Variants in APTX observed in about 807,000 individuals in gnomAD.
APTX encodes forkhead-associated domain histidine triad-like protein.
APTX carries 33 observed loss-of-function variants against 42.3 expected under a neutral mutation model. The observed-to-expected ratio is 0.78, with a 90% confidence interval of 0.59 to 1.04. The LOEUF (loss-of-function observed/expected upper bound fraction) is 1.04, where lower values mean the gene tolerates loss of function less well. Among genes scored for constraint, APTX ranks in the 50% least tolerant of loss-of-function variants. The probability of loss-of-function intolerance (pLI) is 0.00; values close to 1 mark genes in which losing one functional copy is unlikely to be tolerated. For missense variants in APTX, 421 were observed against 415.1 expected (o/e 1.01, Z -0.12); for synonymous variants, 130 against 146.7 (o/e 0.89, Z 0.82).
chr9:32,987,742 T>G lies in APTX; in HGVS notation c.285A>C (p.Pro95=), dbSNP rs759222352. ...QVLHMVNELY[P]YIVEFEEEAK... ...CCTCTTCCTCAAACTCTACAATATATGGATAAAGTTCATTCACCATGTGGA... is the reference window on the plus strand; with the variant it reads ...CCTCTTCCTCAAACTCTACAATATAGGGATAAAGTTCATTCACCATGTGGA... The change falls in exon 4 of 8, where the codon CCA becomes CCC. Residue 95 remains proline (P), a synonymous_variant. Coordinates refer to ENST00000379817, the MANE Select transcript of APTX (RefSeq NM_001195248.2). 10 of 1,614,230 alleles carry G rather than the reference T, an allele frequency of 6.2e-6. No individual in the cohort carries two copies. The highest frequency in any genetic ancestry group is 8.5e-6 in the Non-Finnish European group (10 of 1,180,040).
rs114281856 is a variant in APTX at position 32,984,584 on chromosome 9, C to T, written c.770+47G>A. Reference sequence around the variant, plus strand: ...GCAAGCCCAGGCTGAATCTATCTGCCCACCTGGACAGAACCAGGAGCCAGC... The same window carrying T: ...GCAAGCCCAGGCTGAATCTATCTGCTCACCTGGACAGAACCAGGAGCCAGC... On this transcript the variant is annotated intron_variant, in intron 6 of 7. Transcript: ENST00000379817. 1,425 of 1,576,254 alleles carry T rather than the reference C, an allele frequency of 9.0e-4. 8 individuals carry two copies. In the African/African-American group the frequency reaches 0.017, roughly 19 times the overall value.
upstream of APTX, among the ~76,000 whole-genome samples, chr9:33,002,386 C>A (rs1384702649): frequency 6.6e-6 from 1 of 152,180 alleles, no homozygotes; most frequent in East Asian, 1.9e-4. Flanking sequence ...TTAGCACAGA[C>A]CCTGGCTAAG....
rs537060575 is a variant in APTX at position 32,996,434 on chromosome 9, C to G, written c.-5+5133G>C. 2.6e-5 allele frequency among the ~76,000 whole-genome samples: 4 copies of G among 152,126 alleles called. No individual in the cohort carries two copies. In the South Asian group the frequency reaches 6.2e-4, roughly 24 times the overall value. On this transcript the variant is annotated intron_variant, in intron 1 of 7. Transcript: ENST00000379817. ...GGGACTACAGACACACACCACCATG[C>G]CTTGCTAATTTATTTTATTTTGAGA...
At chr9:32,999,810 C>T (rs997133237) in intron 1 of APTX, among the ~76,000 whole-genome samples, 1 of 152,094 alleles carries the variant, frequency 6.6e-6, no homozygotes, top group Non-Finnish European at 1.5e-5. Context: ...CCCGTCTCTA[C>T]TAAAAAATAC....
At chr9:32,987,910 ACTG>A in intron 3 of APTX, 64 bp from the exon 4 acceptor site, 1 of 1,576,948 alleles carries the variant, frequency 6.3e-7, no homozygotes, top group Non-Finnish European at 8.7e-7. Flanking sequence ...TAAGATAGCC[ACTG>A]CTATGTTAAC....
chr9:33,013,782 C>G (rs1474510586), intron 1 of APTX, among the ~76,000 whole-genome samples: 3 of 152,130 alleles, frequency 2.0e-5, no homozygotes, highest in Non-Finnish European at 4.4e-5. Context: ...CCAGCCTGGG[C>G]GACGGTGCAA....
chr9:33,009,201 A>G (rs1365633295), intron 1 of APTX, among the ~76,000 whole-genome samples: 4 of 152,198 alleles, frequency 2.6e-5, no homozygotes, highest in Non-Finnish European at 4.4e-5. Context: ...TTTTATTTCA[A>G]TTCAGCAATG....
At chr9:33,015,743 A>C (rs1437466312) in intron 1 of APTX, 2 of 152,114 alleles carry the variant, frequency 1.3e-5, no homozygotes, top group Non-Finnish European at 2.9e-5. Context: ...ATGCAAGAAA[A>C]CTTTTTTTTA....
intron 6 of APTX, among the ~76,000 whole-genome samples, chr9:32,984,361 C>T (rs1033883055): frequency 6.6e-6 from 1 of 152,102 alleles, no homozygotes; most frequent in African/African-American, 2.4e-5. Context: ...AATGAAGCTG[C>T]TTCATCTAGT....
chr9:33,006,257 T>TA (rs938086728), upstream of APTX, among the ~76,000 whole-genome samples: 46 of 152,050 alleles, frequency 3.0e-4, no homozygotes, highest in South Asian at 2.9e-3. Flanking sequence ...CCTCTCTCTA[T>TA]AAAAAAAATT....
At chr9:32,983,444 A>G (rs2183869) in intron 6 of APTX, among the ~76,000 whole-genome samples, 19,337 of 152,164 alleles carry the variant, frequency 0.13, 1,257 homozygotes, top group Non-Finnish European at 0.14. Flanking sequence ...AATGATAGTG[A>G]AAAGATTATA....
At chr9:33,017,546 A>C (rs775532686) in intron 1 of APTX, among the ~76,000 whole-genome samples, 2 of 145,112 alleles carry the variant, frequency 1.4e-5, no homozygotes, top group Non-Finnish European at 3.2e-5. Context: ...AATACCATCA[A>C]CTTGGGGATT....
intron 7 of APTX, 78 bp downstream of exon 7, chr9:32,974,379 AT>A (rs1210841483): frequency 2.1e-6 from 2 of 966,074 alleles, no homozygotes; most frequent in Non-Finnish European, 3.3e-6. Context: ...TCAGACTGTT[AT>A]TCAGGGAAAC....
chr9:32,990,426 G>A (rs1833322060), intron 1 of APTX, among the ~76,000 whole-genome samples: 1 of 152,150 alleles, frequency 6.6e-6, no homozygotes, highest in Admixed American at 6.5e-5. Flanking sequence ...ACCCGCCTCT[G>A]CCTCCCAAAG....
In APTX at chr9:33,019,534, G is replaced by A; in HGVS notation, c.-5+5489C>T. On this transcript the variant is annotated intron_variant, in intron 1 of 6. Transcript: ENST00000436040. ...ATTTTCTGTGGTAACAAACATTTAAGAACCAGAGAAAACAAGGGACCCCTG... is the reference window on the plus strand; with the variant it reads ...ATTTTCTGTGGTAACAAACATTTAAAAACCAGAGAAAACAAGGGACCCCTG... 3 of 317,572 alleles carry A rather than the reference G, an allele frequency of 9.4e-6. No individual in the cohort carries two copies. In the East Asian group the frequency reaches 1.7e-4, roughly 18 times the overall value. 19.7% of individuals were successfully genotyped at this position (317,572 alleles called of 1,614,324 possible). A position where few individuals can be genotyped will look rare whatever the true frequency, so the allele number is the denominator to read the frequency against.
upstream of APTX, chr9:33,001,702 A>C: frequency 6.6e-7 from 1 of 1,517,612 alleles, no homozygotes; most frequent in Non-Finnish European, 9.0e-7. Context: ...ATTGGCTGAA[A>C]GAATCTTGCC....
At chr9:32,991,616 T>C (rs1323296989) in intron 1 of APTX, among the ~76,000 whole-genome samples, 2 of 152,030 alleles carry the variant, frequency 1.3e-5, no homozygotes, top group Non-Finnish European at 2.9e-5. Context: ...ACCCTATCTC[T>C]ACTAAAAATA....
chr9:33,003,776 C>G (rs1836922124), upstream of APTX, among the ~76,000 whole-genome samples: 1 of 152,210 alleles, frequency 6.6e-6, no homozygotes, highest in Non-Finnish European at 1.5e-5. Context: ...CCATTTGCGA[C>G]TGGCTTATTT....
chr9:33,019,177 GACA>G (rs1304712063), intron 1 of APTX, among the ~76,000 whole-genome samples: 1 of 152,096 alleles, frequency 6.6e-6, no homozygotes, highest in Admixed American at 6.5e-5. Context: ...CTACTATCCT[GACA>G]ACTTTTCCGC....
Sources: allele counts gnomAD v4.1 joint callset (sites outside exome capture counted in the v4.1 genomes callset), GRCh38; gene constraint gnomAD v4.1.1; transcripts MANE v1.5; gene names NCBI Gene and HGNC (gene_info 2026-07-23, HGNC 2026-07-21).